Variants in DGKH observed in about 807,000 individuals in gnomAD.
The protein encoded by DGKH is DAG kinase eta.
Under a neutral mutation model 159.3 loss-of-function variants are expected in DGKH, and 90 were observed. The ratio of observed to expected loss-of-function variants is 0.57; its 90% CI spans 0.48 to 0.67. DGKH has a LOEUF of 0.67. DGKH is among the 30% of genes least tolerant of loss of function. The pLI is 0.00. For missense variants in DGKH, 1,181 were observed against 1,506.1 expected (o/e 0.78, Z 3.57); for synonymous variants, 536 against 553.8 (o/e 0.97, Z 0.45).
intron 1 of DGKH, among the ~76,000 whole-genome samples, chr13:42,061,245 C>T (rs544102446): frequency 2.2e-4 from 33 of 152,138 alleles, no homozygotes; most frequent in Non-Finnish European, 8.8e-5. Flanking sequence ...TGGGCTTTCC[C>T]GTTGATCTGC....
chr13:42,077,033 A>G (rs550898183), intron 1 of DGKH, among the ~76,000 whole-genome samples: 2 of 152,280 alleles, frequency 1.3e-5, no homozygotes, highest in Non-Finnish European at 2.9e-5. Context: ...TATAGAATAT[A>G]GAATTATGCA....
chr13:42,109,250 C>T (rs1297813752), intron 1 of DGKH, among the ~76,000 whole-genome samples: 1 of 152,214 alleles, frequency 6.6e-6, no homozygotes, highest in East Asian at 1.9e-4. Context: ...AGATACTTTA[C>T]ATGCATTGAC....
chr13:42,134,224 C>T (rs1363511616), intron 3 of DGKH, among the ~76,000 whole-genome samples: 1 of 152,144 alleles, frequency 6.6e-6, no homozygotes, highest in African/African-American at 2.4e-5. Context: ...GTCATTTCCA[C>T]GACATTCAGT....
intron 29 of DGKH, among the ~76,000 whole-genome samples, chr13:42,228,190 A>C (rs1028366618): frequency 4.6e-5 from 7 of 152,164 alleles, no homozygotes; most frequent in Non-Finnish European, 1.0e-4. Flanking sequence ...CTTGCTGTGC[A>C]CACTCTGCAG....
At chr13:42,184,936 A>AT (rs1956875766) in intron 13 of DGKH, among the ~76,000 whole-genome samples, 1 of 151,796 alleles carries the variant, frequency 6.6e-6, no homozygotes. Flanking sequence ...GGAATTTAGA[A>AT]TTTTTTAATC....
intron 7 of DGKH, 144 bp from the exon 8 acceptor site, chr13:42,165,187 A>G (rs1163361851): frequency 2.3e-6 from 1 of 439,566 alleles, no homozygotes; most frequent in Non-Finnish European, 4.0e-6. Context: ...CCTGAAGTAT[A>G]AATGTTATAC....
chr13:42,172,027 A>G (rs1956471156), intron 11 of DGKH, among the ~76,000 whole-genome samples: 1 of 151,862 alleles, frequency 6.6e-6, no homozygotes, highest in Non-Finnish European at 1.5e-5. Context: ...ACGGGGTTTC[A>G]CCATGTTAGC....
At chr13:42,074,644 A>ATCCG (rs1407342279) in intron 1 of DGKH, among the ~76,000 whole-genome samples, 7 of 115,280 alleles carry the variant, frequency 6.1e-5, no homozygotes, top group Admixed American at 5.3e-4. Flanking sequence ...TATTGTATCT[A>ATCCG]TCCGTCCATC....
chr13:42,190,606 GA>G (rs34878220), intron 16 of DGKH, 81 bp downstream of exon 16: 6 of 1,346,042 alleles, frequency 4.5e-6, no homozygotes, highest in Non-Finnish European at 1.0e-6. Flanking sequence ...TGATCAGTTT[GA>G]AAAAAACTAT....
intron 5 of DGKH, 77 bp from the exon 6 acceptor site, chr13:42,159,189 G>C: frequency 2.6e-6 from 2 of 755,856 alleles, no homozygotes; most frequent in Non-Finnish European, 4.0e-6. Flanking sequence ...ATTTTATGCT[G>C]TGATTTCCTT....
At position 42,205,004 on chromosome 13, in the gene DGKH, A is replaced by G. The variant is rs1957429582; in HGVS notation, c.2494-1035A>G. Among the ~76,000 whole-genome samples the G allele has an allele frequency of 4.6e-5, 7 of 152,322 alleles. No individual in the cohort carries two copies. In the South Asian group the frequency reaches 1.4e-3, roughly 32 times the overall value. ...AATACAGTTTATTTCTTTCTGTTGG[A>G]AATCATTTTTATTGGGCATTAAAAT... On this transcript the variant is annotated intron_variant, in intron 20 of 29. Coordinates refer to ENST00000337343, the MANE Select transcript of DGKH (RefSeq NM_178009.5).
intron 29 of DGKH, among the ~76,000 whole-genome samples, chr13:42,223,292 C>T (rs930014374): frequency 3.9e-5 from 6 of 152,194 alleles, no homozygotes; most frequent in East Asian, 1.9e-4. Flanking sequence ...CCATTGCTTC[C>T]GGTACTACTT....
At position 42,194,986 on chromosome 13, in the gene DGKH, C is replaced by T; in HGVS notation, c.2137C>T (p.Pro713Ser). The change falls in exon 17 of 30, where the codon CCT (proline) becomes TCT (serine). Residue 713 changes from proline (P) to serine (S), a missense_variant. Pro to Ser is a moderately conservative substitution (Grantham distance 74). This residue lies in a region of DGKH where 257 missense variants were observed against 281.5 expected (regional missense o/e 0.91). Transcript: ENST00000337343. ...PAVAASKENL[P>S]VLNTRIICPG... ...TGTGGCAGCCAGCAAAGAAAACCTC[C>T]CTGTGCTCAATACCAGAATAATCTG... 3 of 1,614,018 alleles carry T rather than the reference C, an allele frequency of 1.9e-6. No individual in the cohort carries two copies. The highest frequency in any genetic ancestry group is 2.5e-6 in the Non-Finnish European group (3 of 1,179,918).
intron 30 of DGKH, chr13:42,255,733 A>C: frequency 2.5e-6 from 1 of 396,462 alleles, no homozygotes; most frequent in Middle Eastern, 6.6e-4. Context: ...TAAATAAATG[A>C]CATGTGGGAA....
chr13:42,243,750 A>G (rs891224509), downstream of DGKH, among the ~76,000 whole-genome samples: 1 of 152,148 alleles, frequency 6.6e-6, no homozygotes, highest in Non-Finnish European at 1.5e-5. Context: ...GGCAAGCAGC[A>G]TGGAGGGTAA....
At chr13:42,069,555 T>G (rs1882817089) in intron 1 of DGKH, 1 of 1,594,774 alleles carries the variant, frequency 6.3e-7, no homozygotes. Flanking sequence ...TTCCAGCCAG[T>G]TGCCGTGATG....
Position 42,199,714 on chromosome 13 carries a change from G to A in DGKH, c.2396+38G>A, listed in dbSNP as rs774738722. The A allele has an allele frequency of 2.2e-5, 34 of 1,558,358 alleles. No homozygotes were observed. In the South Asian group the frequency reaches 4.0e-4, roughly 18 times the overall value. On this transcript the variant is annotated intron_variant, in intron 19 of 29. Transcript: ENST00000337343. ...AAAGTAATAATGCTATTACATAAAGGCAATTTTTTCTTCATTTATTATGTC... is the reference window on the plus strand; with the variant it reads ...AAAGTAATAATGCTATTACATAAAGACAATTTTTTCTTCATTTATTATGTC...
intron 1 of DGKH, among the ~76,000 whole-genome samples, chr13:42,071,767 G>A (rs1369919047): frequency 1.3e-5 from 2 of 152,150 alleles, no homozygotes; most frequent in African/African-American, 4.8e-5. Context: ...AGGCCCCGCG[G>A]ACAGCCCCCA....
chr13:42,080,902 A>G (rs1566090495), intron 1 of DGKH, among the ~76,000 whole-genome samples: 2 of 152,184 alleles, frequency 1.3e-5, no homozygotes, highest in East Asian at 3.9e-4. Flanking sequence ...GTTTAGAACT[A>G]TGAATCTAAG....
Sources: allele counts gnomAD v4.1 joint callset (sites outside exome capture counted in the v4.1 genomes callset), GRCh38; gene constraint gnomAD v4.1.1; regional missense constraint gnomAD v4.1.1; transcripts MANE v1.5; gene names NCBI Gene and HGNC (gene_info 2026-07-23, HGNC 2026-07-21).